Variants in RBFOX1 observed in about 807,000 individuals in gnomAD.
The protein encoded by RBFOX1 is RNA binding fox-1 homolog 1.
Under a neutral mutation model 57.7 loss-of-function variants are expected in RBFOX1, and 8 were observed. That is an observed-to-expected ratio of 0.14 (90% confidence interval 0.08 to 0.25). The LOEUF is 0.25. Among genes scored for constraint, RBFOX1 ranks in the 10% least tolerant of loss-of-function variants. The probability of loss-of-function intolerance (pLI) is 1.00; values close to 1 mark genes in which losing one functional copy is unlikely to be tolerated. For synonymous variants in RBFOX1, 326 were observed against 222.4 expected, an observed-to-expected ratio of 1.47 and a Z score of -4.15; for missense variants, 611 against 548.5, an observed-to-expected ratio of 1.11 and a Z score of -1.14.
chr16:6,650,847 A>C (rs2154083268), intron 2 of RBFOX1, among the ~76,000 whole-genome samples: 1 of 152,182 alleles, frequency 6.6e-6, no homozygotes, highest in Non-Finnish European at 1.5e-5. Flanking sequence ...GAAAATCAAC[A>C]TTTCTGTAGA....
At chr16:5,818,987 C>T (rs1363474229) in intron 3 of RBFOX1, among the ~76,000 whole-genome samples, 1 of 152,184 alleles carries the variant, frequency 6.6e-6, no homozygotes, top group Admixed American at 6.5e-5. Flanking sequence ...TCCCCATCTC[C>T]ATCTGTCCTT....
At chr16:7,295,960 G>C (rs1047546488) in intron 4 of RBFOX1, among the ~76,000 whole-genome samples, 5 of 152,074 alleles carry the variant, frequency 3.3e-5, no homozygotes, top group African/African-American at 1.2e-4. Context: ...AACCTGTGGG[G>C]GTAAAGAGAA....
intron 7 of RBFOX1, among the ~76,000 whole-genome samples, chr16:7,590,863 G>GAAAAAA (rs36061659): frequency 9.7e-6 from 1 of 102,924 alleles, no homozygotes; most frequent in Non-Finnish European, 1.9e-5. Flanking sequence ...CTGTCTCTAA[G>GAAAAAA]AAAAAAAAAA....
intron 1 of RBFOX1, among the ~76,000 whole-genome samples, chr16:5,275,106 G>C (rs2063110210): frequency 6.6e-6 from 1 of 152,194 alleles, no homozygotes; most frequent in Non-Finnish European, 1.5e-5. Flanking sequence ...GTCCTCATGT[G>C]ACAATATCCA....
At chr16:7,053,346 A>G (rs4786962) in intron 4 of RBFOX1, among the ~76,000 whole-genome samples, 2 of 152,066 alleles carry the variant, frequency 1.3e-5, no homozygotes, top group East Asian at 1.9e-4. Flanking sequence ...CCTTTCCTTC[A>G]TGGAACAGAC....
At chr16:5,787,718 G>A (rs756635791) in intron 3 of RBFOX1, among the ~76,000 whole-genome samples, 114 of 152,324 alleles carry the variant, frequency 7.5e-4, no homozygotes, top group Non-Finnish European at 1.3e-3. Context: ...AGGAGAGGGT[G>A]ACACCACCAG....
chr16:5,851,385 T>G (rs2151865127), intron 3 of RBFOX1, among the ~76,000 whole-genome samples: 1 of 152,226 alleles, frequency 6.6e-6, no homozygotes, highest in Non-Finnish European at 1.5e-5. Flanking sequence ...TCTGAAGACC[T>G]TTTCCCTAGA....
intron 4 of RBFOX1, among the ~76,000 whole-genome samples, chr16:7,364,242 C>G (rs1032490912): frequency 2.6e-5 from 4 of 152,144 alleles, no homozygotes; most frequent in South Asian, 2.1e-4. Flanking sequence ...TTCCCATCTT[C>G]TAAGCACTTG....
intron 2 of RBFOX1, among the ~76,000 whole-genome samples, chr16:5,565,960 T>C (rs2046053268): frequency 6.6e-6 from 1 of 152,114 alleles, no homozygotes; most frequent in Non-Finnish European, 1.5e-5. Flanking sequence ...GTTTCCCCCA[T>C]AGTGTTCTCA....
chr16:7,596,512 G>A (rs1235333236), intron 8 of RBFOX1, among the ~76,000 whole-genome samples: 2 of 151,962 alleles, frequency 1.3e-5, no homozygotes, highest in Non-Finnish European at 2.9e-5. Flanking sequence ...AACCCATGCT[G>A]GCGATGGTGG....
chr16:5,982,328 C>T (rs1459587246), intron 4 of RBFOX1, among the ~76,000 whole-genome samples: 2 of 151,850 alleles, frequency 1.3e-5, no homozygotes, highest in Non-Finnish European at 2.9e-5. Context: ...GGCTGGAGTG[C>T]AGTGGTTTGA....
Position 6,777,094 on chromosome 16 carries a change from A to G in RBFOX1, c.-16+122444A>G, listed in dbSNP as rs148735491. 5.4e-3 allele frequency among the ~76,000 whole-genome samples: 826 copies of G among 152,274 alleles called. 10 individuals are homozygous for G. Among genetic ancestry groups the G allele is most frequent in the African/African-American group, 0.019 (779 of 41,558 alleles). ...CTGTGTTAACCGTGTTGTATACTCA[A>G]TTTAGTAAAATACGAGTCTTGGGAT... is the stretch of plus-strand genomic sequence containing the variant. On this transcript the variant is annotated intron_variant, in intron 3 of 15. Transcript: ENST00000550418.
At chr16:6,988,754 T>G (rs1343476411) in intron 3 of RBFOX1, among the ~76,000 whole-genome samples, 4 of 76,858 alleles carry the variant, frequency 5.2e-5, no homozygotes, top group Admixed American at 1.3e-4. Context: ...TTTGTTTGTT[T>G]TTTGTTTTTT....
At chr16:7,512,306 T>C (rs955147737) in intron 4 of RBFOX1, among the ~76,000 whole-genome samples, 2 of 152,196 alleles carry the variant, frequency 1.3e-5, no homozygotes, top group African/African-American at 4.8e-5. Context: ...TTAATGTCAG[T>C]GTATTTTTCC....
At chr16:5,317,581 C>G (rs1462707056) in intron 1 of RBFOX1, among the ~76,000 whole-genome samples, 1 of 152,088 alleles carries the variant, frequency 6.6e-6, no homozygotes. Context: ...TGCACTCCAG[C>G]CTGGGCGAAA....
intron 4 of RBFOX1, among the ~76,000 whole-genome samples, chr16:7,153,282 C>G (rs2076439130): frequency 6.6e-6 from 1 of 152,094 alleles, no homozygotes; most frequent in Admixed American, 6.5e-5. Flanking sequence ...TCAGAATCTC[C>G]TGAACTTTTT....
chr16:6,138,083 T>A (rs961575541), intron 1 of RBFOX1, among the ~76,000 whole-genome samples: 1 of 152,198 alleles, frequency 6.6e-6, no homozygotes, highest in Non-Finnish European at 1.5e-5. Flanking sequence ...AACCCTAAGC[T>A]GTATTTTTGA....
At chr16:5,401,791 CCTCTTT>C (rs2066723840) in intron 1 of RBFOX1, among the ~76,000 whole-genome samples, 1 of 144,042 alleles carries the variant, frequency 6.9e-6, no homozygotes, top group Non-Finnish European at 1.5e-5. Context: ...TCCTCCTCCT[CCTCTTT>C]CTCCTCCTCC....
intron 1 of RBFOX1, among the ~76,000 whole-genome samples, chr16:6,268,103 A>T (rs1366637871): frequency 1.3e-5 from 2 of 152,200 alleles, no homozygotes; most frequent in African/African-American, 4.8e-5. Context: ...ACAAACCCTC[A>T]GCTCAGTGTT....
Sources: allele counts gnomAD v4.1 joint callset (sites outside exome capture counted in the v4.1 genomes callset), GRCh38; gene constraint gnomAD v4.1.1; transcripts MANE v1.5; gene names NCBI Gene and HGNC (gene_info 2026-07-23, HGNC 2026-07-21).